The following TRPS1 variants were observed in gnomAD, a reference collection of about 807,000 sequenced individuals.
The protein encoded by TRPS1 is transcriptional repressor GATA binding 1, also known as zinc finger transcription factor Trps1.
In TRPS1, 6 loss-of-function variants were observed where a neutral mutation model predicts 101.2. The ratio of observed to expected loss-of-function variants is 0.06; its 90% CI spans 0.03 to 0.12. TRPS1 has a LOEUF of 0.12. Among genes scored for constraint, TRPS1 ranks in the 10% least tolerant of loss-of-function variants. The pLI, the probability that TRPS1 is intolerant of heterozygous loss-of-function variation, is 1.00. For missense variants in TRPS1, 1,363 were observed against 1,567.0 expected (o/e 0.87, Z 2.20); for synonymous variants, 578 against 589.8 (o/e 0.98, Z 0.29).
chr8:115,494,448 T>C (rs1251228335), intron 5 of TRPS1, among the ~76,000 whole-genome samples: 2 of 152,168 alleles, frequency 1.3e-5, no homozygotes, highest in Non-Finnish European at 2.9e-5. Context: ...GAGGAGGCAA[T>C]GTAGCAACAA....
intron 5 of TRPS1, among the ~76,000 whole-genome samples, chr8:115,456,448 T>C (rs1279055785): frequency 1.3e-5 from 2 of 152,280 alleles, no homozygotes; most frequent in African/African-American, 2.4e-5. Flanking sequence ...AATTAACATA[T>C]AAAATATTGC....
At chr8:115,448,576 T>C (rs1357121836) in intron 5 of TRPS1, among the ~76,000 whole-genome samples, 1 of 152,150 alleles carries the variant, frequency 6.6e-6, no homozygotes, top group East Asian at 1.9e-4. Context: ...CCAAACTCCA[T>C]CCTCAAATAG....
intron 5 of TRPS1, among the ~76,000 whole-genome samples, chr8:115,470,424 ATT>A (rs1411544041): frequency 6.6e-6 from 1 of 152,204 alleles, no homozygotes; most frequent in African/African-American, 2.4e-5. Flanking sequence ...AATTATATAT[ATT>A]AGCATATAAT....
intron 5 of TRPS1, among the ~76,000 whole-genome samples, chr8:115,447,631 G>C (rs951779031): frequency 6.6e-6 from 1 of 151,888 alleles, no homozygotes; most frequent in Non-Finnish European, 1.5e-5. Flanking sequence ...AAAAACTTCA[G>C]TTACACTTTA....
chr8:115,460,217 C>T (rs1400257958), intron 5 of TRPS1, among the ~76,000 whole-genome samples: 1 of 152,026 alleles, frequency 6.6e-6, no homozygotes, highest in Admixed American at 6.6e-5. Context: ...AACACAATCA[C>T]CTGCTCAGTA....
At chr8:115,490,029 G>C (rs1027251898) in intron 5 of TRPS1, among the ~76,000 whole-genome samples, 3 of 152,044 alleles carry the variant, frequency 2.0e-5, no homozygotes, top group Admixed American at 1.3e-4. Context: ...ATGAAATAAT[G>C]TTTGTGGTAT....
At chr8:115,610,563 T>C (rs1367083815) in intron 3 of TRPS1, among the ~76,000 whole-genome samples, 2 of 152,164 alleles carry the variant, frequency 1.3e-5, no homozygotes, top group East Asian at 3.9e-4. Flanking sequence ...AACTCCCTTA[T>C]TTGGATTTAT....
intron 5 of TRPS1, among the ~76,000 whole-genome samples, chr8:115,444,053 T>G (rs1012138487): frequency 1.3e-5 from 2 of 152,338 alleles, no homozygotes; most frequent in Non-Finnish European, 2.9e-5. Flanking sequence ...TCTCACTCCT[T>G]CGCCATGTAG....
chr8:115,642,729 T>C (rs1818929911), intron 1 of TRPS1, among the ~76,000 whole-genome samples: 1 of 151,792 alleles, frequency 6.6e-6, no homozygotes, highest in African/African-American at 2.4e-5. Context: ...AAAAAATGCT[T>C]TGATAATCTA....
intron 5 of TRPS1, among the ~76,000 whole-genome samples, chr8:115,453,448 AGTGTATGCATTT>A (rs1813932395): frequency 6.6e-6 from 1 of 152,214 alleles, no homozygotes; most frequent in Non-Finnish European, 1.5e-5. Flanking sequence ...TGCTAACAGA[AGTGTATGCATTT>A]GCACGAGTGT....
intron 6 of TRPS1, 53 bp from the exon 7 acceptor site, chr8:115,415,137 A>G (rs1812888076): frequency 1.2e-5 from 19 of 1,530,894 alleles, no homozygotes; most frequent in Non-Finnish European, 1.7e-5. Flanking sequence ...AATACATTAA[A>G]ATGCATTAAA....
At position 115,655,146 on chromosome 8, in the gene TRPS1, C is replaced by T. The variant is rs560852504; in HGVS notation, c.-122+13399G>A. Among the ~76,000 whole-genome samples the T allele has an allele frequency of 8.3e-4, 126 of 152,272 alleles. 1 individual carries two copies. The highest frequency in any genetic ancestry group is 3.4e-3 in the Middle Eastern group (1 of 294). The stretch of plus-strand genomic sequence containing the variant: ...AAGATCATGCTAGAATGGATAGTAG[C>T]TCAAGTCCGTTCTGTCACTCAGAAT... On this transcript the variant is annotated intron_variant, in intron 1 of 6. Transcript: ENST00000395715.
chr8:115,612,386 A>G (rs534923580), intron 3 of TRPS1, among the ~76,000 whole-genome samples: 7 of 152,178 alleles, frequency 4.6e-5, no homozygotes, highest in Non-Finnish European at 1.0e-4. Flanking sequence ...AGTGACAGTA[A>G]AAGAATAAAG....
chr8:115,556,017 T>C (rs1271622087), intron 5 of TRPS1, among the ~76,000 whole-genome samples: 3 of 151,774 alleles, frequency 2.0e-5, no homozygotes, highest in Non-Finnish European at 4.4e-5. Context: ...AGAGACTTTG[T>C]CTGAAAAAAA....
intron 1 of TRPS1, among the ~76,000 whole-genome samples, chr8:115,667,496 C>A (rs1811951109): frequency 6.6e-6 from 1 of 152,208 alleles, no homozygotes; most frequent in Non-Finnish European, 1.5e-5. Flanking sequence ...GATGTCCCAC[C>A]GCTGTCAGGC....
chr8:115,436,583 C>T (rs1813460254), intron 5 of TRPS1, among the ~76,000 whole-genome samples: 2 of 152,092 alleles, frequency 1.3e-5, no homozygotes, highest in Non-Finnish European at 2.9e-5. Context: ...CCAGGCTAGC[C>T]TTGAACTCCT....
At chr8:115,488,650 C>T (rs968021790) in intron 5 of TRPS1, among the ~76,000 whole-genome samples, 1 of 151,892 alleles carries the variant, frequency 6.6e-6, no homozygotes, top group Non-Finnish European at 1.5e-5. Flanking sequence ...ACTCCAGCCT[C>T]GCAACAGAGT....
chr8:115,625,420 T>C (rs1238041177), intron 1 of TRPS1, among the ~76,000 whole-genome samples: 3 of 151,898 alleles, frequency 2.0e-5, no homozygotes, highest in Non-Finnish European at 4.4e-5. Flanking sequence ...ACTTCAATTT[T>C]ACCTTTAAAA....
At chr8:115,444,012 C>A (rs939164798) in intron 5 of TRPS1, among the ~76,000 whole-genome samples, 2 of 152,144 alleles carry the variant, frequency 1.3e-5, no homozygotes, top group Admixed American at 1.3e-4. Flanking sequence ...ATTTAAAGAT[C>A]CCCATTATTT....
Sources: gnomAD v4.1 joint callset for allele counts (sites outside exome capture counted in the v4.1 genomes callset) on GRCh38, gnomAD v4.1.1 for gene constraint, MANE v1.5 for transcripts, NCBI Gene and HGNC (gene_info 2026-07-23, HGNC 2026-07-21) for gene names.